Variants in ABL2 observed in about 807,000 individuals in gnomAD.
ABL2 encodes tyrosine-protein kinase ABL2.
Under a neutral mutation model 107.7 loss-of-function variants are expected in ABL2, and 49 were observed. The ratio of observed to expected loss-of-function variants is 0.45; its 90% CI spans 0.36 to 0.58. The LOEUF (loss-of-function observed/expected upper bound fraction) is 0.58, where lower values mean the gene tolerates loss of function less well. ABL2 is among the 20% of genes least tolerant of loss of function. The pLI, the probability that ABL2 is intolerant of heterozygous loss-of-function variation, is 0.00. For missense variants in ABL2, 1,245 were observed against 1,457.0 expected (o/e 0.85, Z 2.37); for synonymous variants, 549 against 548.6 (o/e 1.00, Z -0.01).
At position 179,174,910 on chromosome 1, in the gene ABL2, AAAAT is replaced by A. The variant is rs1557975234; in HGVS notation, c.158-41540_158-41537del. Reference sequence around the variant, plus strand: ...GACTCTGTCTCAAAAAAAAAAAAATAAAATAAAAAAAATAATAATAATAATAATA... The same window carrying A: ...GACTCTGTCTCAAAAAAAAAAAAATAAAAAAAAATAATAATAATAATAATA... On this transcript the variant is annotated intron_variant, in intron 1 of 11. Coordinates refer to ENST00000502732, the MANE Select transcript of ABL2 (RefSeq NM_007314.4). Among the ~76,000 whole-genome samples, 290 of 91,346 alleles carry A rather than the reference AAAAT, an allele frequency of 3.2e-3. 11 individuals are homozygous for A. The East Asian group carries it at 0.053, about 17-fold the overall frequency. The allele number at this position is 91,346 out of a possible 152,430, so 59.9% of individuals were successfully genotyped here. A position where few individuals can be genotyped will look rare whatever the true frequency, so the allele number is the denominator to read the frequency against.
At chr1:179,214,972 TAACATGGTGA>T (rs1269181079) in intron 1 of ABL2, among the ~76,000 whole-genome samples, 2 of 152,008 alleles carry the variant, frequency 1.3e-5, no homozygotes, top group Admixed American at 6.6e-5. Context: ...CCAGACTGGC[TAACATGGTGA>T]AACTCCTTCT....
rs753558280 is a variant in ABL2 at position 179,131,425 on chromosome 1, T to C, written c.277A>G (p.Ile93Val). The C allele has an allele frequency of 6.2e-7, 1 of 1,614,108 alleles. No individual in the cohort carries two copies. Among genetic ancestry groups the C allele is most frequent in the Non-Finnish European group, 8.5e-7 (1 of 1,179,970 alleles). Residue 93 changes from isoleucine to valine, a missense_variant, in exon 3 of 12, where the codon ATC becomes GTC. Around this residue, in one of 3 missense-constraint regions of ABL2, gnomAD observed 164 missense variants for 143.7 expected, o/e 1.14. Transcript: ENST00000502732. ...DVEPQALNEA[I>V]RWSSKENLLG... ...AAGTTCTCCTTGGAGCTCCACCTGA[T>C]AGCCTCATTTAGTGCCTGGGGTTCA...
intron 1 of ABL2, among the ~76,000 whole-genome samples, chr1:179,135,951 G>A (rs1420693336): frequency 7.5e-6 from 1 of 133,200 alleles, no homozygotes; most frequent in African/African-American, 2.6e-5. Context: ...CGTCCAGGAG[G>A]GAGGTGGGGG....
intron 1 of ABL2, among the ~76,000 whole-genome samples, chr1:179,151,005 A>C (rs1377589702): frequency 6.6e-6 from 1 of 152,188 alleles, no homozygotes; most frequent in African/African-American, 2.4e-5. Flanking sequence ...GTATTTTTTA[A>C]TTAAGGCATG....
intron 1 of ABL2, among the ~76,000 whole-genome samples, chr1:179,213,864 G>GAGCC (rs1020622614): frequency 6.6e-6 from 1 of 152,160 alleles, no homozygotes; most frequent in African/African-American, 2.4e-5. Flanking sequence ...AGGATTGTTT[G>GAGCC]AGCCCAGGAG....
rs150587634 is a variant in ABL2, at chr1:179,108,383, A to G, written c.2884T>C (p.Ser962Pro). 1.8e-5 allele frequency: 29 copies of G among 1,614,090 alleles called. No individual in the cohort carries two copies. Among genetic ancestry groups the G allele is most frequent in the Non-Finnish European group, 2.3e-5 (27 of 1,180,044 alleles). Residue 962 changes from serine (S) to proline (P), a missense_variant, in exon 12 of 12, where the codon TCT becomes CCT. By Grantham distance (74) the Ser-to-Pro change is moderately conservative. Coordinates refer to ENST00000502732, the MANE Select transcript of ABL2 (RefSeq NM_007314.4). Reference sequence around the variant, plus strand: ...CCAGAGGATGTGACCTGATGCTCAGATAAGAGCTTGAATTTATTCCCCTGA... The same window carrying G: ...CCAGAGGATGTGACCTGATGCTCAGGTAAGAGCTTGAATTTATTCCCCTGA... ...DSQGNKFKLL[S>P]EHQVTSSGDK...
At chr1:179,206,115 G>C (rs1049606179) in intron 1 of ABL2, among the ~76,000 whole-genome samples, 3 of 152,158 alleles carry the variant, frequency 2.0e-5, no homozygotes, top group Non-Finnish European at 4.4e-5. Flanking sequence ...AGGCAGCTTA[G>C]TTCAAGTCTA....
At chr1:179,216,963 T>A (rs1471251750) in intron 1 of ABL2, among the ~76,000 whole-genome samples, 1 of 151,740 alleles carries the variant, frequency 6.6e-6, no homozygotes, top group Admixed American at 6.6e-5. Context: ...ATTGCAGGCA[T>A]GAGCCACCTC....
chr1:179,114,384 G>A (rs1002243614), intron 9 of ABL2, among the ~76,000 whole-genome samples: 2 of 151,754 alleles, frequency 1.3e-5, no homozygotes, highest in African/African-American at 4.9e-5. Flanking sequence ...CCGAAATCAC[G>A]TCACTGCACT....
At chr1:179,165,030 G>C (rs1305113213) in intron 1 of ABL2, among the ~76,000 whole-genome samples, 1 of 152,156 alleles carries the variant, frequency 6.6e-6, no homozygotes, top group Non-Finnish European at 1.5e-5. Context: ...AGGTGAATGT[G>C]ATCTATGTCT....
chr1:179,168,015 A>G (rs1158884205), intron 1 of ABL2, among the ~76,000 whole-genome samples: 1 of 152,264 alleles, frequency 6.6e-6, no homozygotes, highest in Non-Finnish European at 1.5e-5. Flanking sequence ...AAATTAAAAG[A>G]GAAATACAAA....
At chr1:179,212,939 G>A (rs1292676197) in intron 1 of ABL2, among the ~76,000 whole-genome samples, 1 of 151,364 alleles carries the variant, frequency 6.6e-6, no homozygotes. Flanking sequence ...TCAGCTACTT[G>A]GGAGGCTGAG....
At chr1:179,163,962 C>T (rs542404046) in intron 1 of ABL2, among the ~76,000 whole-genome samples, 4 of 152,218 alleles carry the variant, frequency 2.6e-5, no homozygotes, top group East Asian at 3.9e-4. Flanking sequence ...AGATCTCATA[C>T]TATATGATTC....
chr1:179,203,857 C>T (rs1661808424), intron 1 of ABL2, among the ~76,000 whole-genome samples: 1 of 152,154 alleles, frequency 6.6e-6, no homozygotes, highest in African/African-American at 2.4e-5. Context: ...GGCTCTTTGA[C>T]CCTTCTCTTT....
At chr1:179,116,150 G>A (rs184930778) in intron 8 of ABL2, among the ~76,000 whole-genome samples, 133 of 152,342 alleles carry the variant, frequency 8.7e-4, no homozygotes, top group African/African-American at 3.0e-3. Context: ...AAGGCAGGTG[G>A]ATCATTTGAG....
intron 1 of ABL2, chr1:179,184,386 C>A: frequency 1.1e-6 from 1 of 880,670 alleles, no homozygotes; most frequent in Non-Finnish European, 1.7e-6. Flanking sequence ...ACATTCAAGT[C>A]AAACACAGAA....
At chr1:179,129,543 G>A (rs1358421777) in intron 3 of ABL2, among the ~76,000 whole-genome samples, 2 of 152,000 alleles carry the variant, frequency 1.3e-5, no homozygotes, top group South Asian at 2.1e-4. Flanking sequence ...TTAACACGGC[G>A]TGGTGGTGCG....
chr1:179,224,532 G>A (rs1056093696), intron 1 of ABL2, among the ~76,000 whole-genome samples: 1 of 151,548 alleles, frequency 6.6e-6, no homozygotes, highest in African/African-American at 2.4e-5. Context: ...GCCTCCCAAA[G>A]TGCTGGGATT....
At chr1:179,123,537 G>T (rs958654214) in intron 4 of ABL2, among the ~76,000 whole-genome samples, 3 of 152,156 alleles carry the variant, frequency 2.0e-5, no homozygotes, top group Non-Finnish European at 2.9e-5. Flanking sequence ...GGATTTCACA[G>T]AATTGCTTAC....
Sources: gnomAD v4.1 joint callset for allele counts (sites outside exome capture counted in the v4.1 genomes callset) on GRCh38, gnomAD v4.1.1 for gene constraint, gnomAD v4.1.1 regional missense constraint, MANE v1.5 for transcripts, NCBI Gene and HGNC (gene_info 2026-07-23, HGNC 2026-07-21) for gene names.